SLC8B1: variants seen among roughly 807,000 people sequenced by gnomAD.
SLC8B1 encodes mitochondrial sodium/calcium exchanger protein.
SLC8B1 carries 52 observed loss-of-function variants against 63.4 expected under a neutral mutation model. That is an observed-to-expected ratio of 0.82 (90% confidence interval 0.66 to 1.03). SLC8B1 has a LOEUF of 1.03. Among genes scored for constraint, SLC8B1 ranks in the 50% least tolerant of loss-of-function variants. The pLI is 0.00. For synonymous variants in SLC8B1, 336 were observed against 323.9 expected, an observed-to-expected ratio of 1.04 and a Z score of -0.40; for missense variants, 657 against 741.7, an observed-to-expected ratio of 0.89 and a Z score of 1.33.
chr12:113,302,837 A>AC, intron 15 of SLC8B1: 1 of 402,820 alleles, frequency 2.5e-6, no homozygotes, highest in Non-Finnish European at 5.0e-6. Flanking sequence ...ACCTCTAGAC[A>AC]TGTACATCAA....
At chr12:113,312,397 G>C (rs1000820563) in intron 11 of SLC8B1, among the ~76,000 whole-genome samples, 1 of 152,192 alleles carries the variant, frequency 6.6e-6, no homozygotes, top group African/African-American at 2.4e-5. Context: ...TCACACCACT[G>C]AGCAATGACA....
intron 2 of SLC8B1, among the ~76,000 whole-genome samples, chr12:113,325,565 A>ATT (rs57635916): frequency 4.3e-4 from 60 of 140,136 alleles, no homozygotes; most frequent in African/African-American, 4.7e-4. Flanking sequence ...CCTGGCCTTA[A>ATT]TTTTTTTTTT....
chr12:113,309,135 G>A (rs1184562262), intron 12 of SLC8B1, among the ~76,000 whole-genome samples: 1 of 151,930 alleles, frequency 6.6e-6, no homozygotes, highest in African/African-American at 2.4e-5. Flanking sequence ...GATTACAGGC[G>A]TGAGCCACCA....
chr12:113,302,988 A>T (rs552541404), intron 15 of SLC8B1, among the ~76,000 whole-genome samples: 1 of 150,196 alleles, frequency 6.7e-6, no homozygotes, highest in South Asian at 2.1e-4. Context: ...TAAACTCAGC[A>T]CAAAGGTGGT....
intron 1 of SLC8B1, 42 bp from the exon 2 acceptor site, chr12:113,333,002 A>G: frequency 8.3e-7 from 1 of 1,199,556 alleles, no homozygotes; most frequent in Non-Finnish European, 1.1e-6. Context: ...ATTACTGAAA[A>G]CCCATGGACA....
chr12:113,318,351 T>C (rs1424116786), intron 8 of SLC8B1, among the ~76,000 whole-genome samples: 1 of 152,066 alleles, frequency 6.6e-6, no homozygotes, highest in Non-Finnish European at 1.5e-5. Flanking sequence ...TGTGTGTGCA[T>C]GTACTCCTAT....
At chr12:113,324,400 AC>A (rs1352406207) in intron 2 of SLC8B1, among the ~76,000 whole-genome samples, 2 of 139,804 alleles carry the variant, frequency 1.4e-5, no homozygotes, top group African/African-American at 5.3e-5. Flanking sequence ...ACTCAGCTCT[AC>A]CTTTTTTTTT....
At chr12:113,322,783 CA>C (rs1956948231) in intron 2 of SLC8B1, among the ~76,000 whole-genome samples, 1 of 151,784 alleles carries the variant, frequency 6.6e-6, no homozygotes, top group African/African-American at 2.4e-5. Context: ...TCCATCTCTA[CA>C]AAAAATACAA....
intron 11 of SLC8B1, among the ~76,000 whole-genome samples, chr12:113,312,114 G>T (rs540134153): frequency 6.6e-6 from 1 of 152,054 alleles, no homozygotes; most frequent in East Asian, 1.9e-4. Context: ...CACAGAAAAG[G>T]CTGTAGGAGG....
At position 113,320,786 on chromosome 12, in the gene SLC8B1, C is replaced by T. The variant is rs1235194931; in HGVS notation, c.420+64G>A. On this transcript the variant is annotated intron_variant, in intron 5 of 15. Coordinates refer to ENST00000680972, the MANE Select transcript of SLC8B1 (RefSeq NM_001358345.2). This position sits in a 1 kb window ranked among gnomAD's most constrained non-coding sequence, Gnocchi z 5.3. ...TCCCCACACGGGGATAGACATGACC[C>T]TATCTCCCAGCCTCCCCACAACTGC... 2.5e-6 allele frequency: 4 copies of T among 1,577,766 alleles called. No individual in the cohort carries two copies. The highest frequency in any genetic ancestry group is 3.4e-6 in the Non-Finnish European group (4 of 1,161,736).
chr12:113,300,106 G>A (rs796196790), intron 15 of SLC8B1, 132 bp from the exon 16 acceptor site: 2 of 674,144 alleles, frequency 3.0e-6, no homozygotes, highest in Non-Finnish European at 4.8e-6. Flanking sequence ...CAACAATGCA[G>A]CCTCAGCAAC....
At chr12:113,325,179 CT>C (rs11290544) in intron 2 of SLC8B1, among the ~76,000 whole-genome samples, 5,349 of 152,332 alleles carry the variant, frequency 0.035, 134 homozygotes, top group Non-Finnish European at 0.051. Flanking sequence ...GTTATTACCC[CT>C]ATCTCCACTA....
chr12:113,333,883 A>G (rs1166489968), intron 1 of SLC8B1, among the ~76,000 whole-genome samples: 1 of 152,088 alleles, frequency 6.6e-6, no homozygotes, highest in Non-Finnish European at 1.5e-5. Flanking sequence ...TAATTTTTGT[A>G]TTTTTAACGG....
chr12:113,327,587 A>T (rs1957010644), intron 2 of SLC8B1, among the ~76,000 whole-genome samples: 1 of 151,548 alleles, frequency 6.6e-6, no homozygotes, highest in Non-Finnish European at 1.5e-5. Context: ...CAGGAGGCTG[A>T]GGCAGAATAA....
intron 11 of SLC8B1, among the ~76,000 whole-genome samples, chr12:113,311,562 A>G (rs1402640977): frequency 6.6e-6 from 1 of 152,016 alleles, no homozygotes; most frequent in East Asian, 1.9e-4. Context: ...TGGCGGTTGC[A>G]GTGAACCTAA....
At chr12:113,331,898 C>T (rs1418728283) in intron 2 of SLC8B1, among the ~76,000 whole-genome samples, 3 of 152,128 alleles carry the variant, frequency 2.0e-5, no homozygotes, top group Admixed American at 1.3e-4. Context: ...ACCTCCTAGC[C>T]GCAGCCTGTA....
chr12:113,309,579 C>T (rs1042847146), intron 12 of SLC8B1, among the ~76,000 whole-genome samples: 12 of 152,054 alleles, frequency 7.9e-5, no homozygotes, highest in African/African-American at 2.9e-4. Context: ...CATAGTGAGA[C>T]CTCATCTTTA....
Position 113,320,561 on chromosome 12 carries a change from C to T in SLC8B1, c.526+20G>A, listed in dbSNP as rs376480508. 6.2e-7 allele frequency: 1 copy of T among 1,614,034 alleles called. No homozygotes were observed. The highest frequency in any genetic ancestry group is 1.7e-5 in the Admixed American group (1 of 60,026). On this transcript the variant is annotated intron_variant, in intron 6 of 15. Coordinates refer to ENST00000680972, the MANE Select transcript of SLC8B1 (RefSeq NM_001358345.2). This position sits in a 1 kb window ranked among gnomAD's most constrained non-coding sequence, Gnocchi z 5.3. Reference sequence around the variant, plus strand: ...CTCTCCTGCTGCTTTCCCCGCCCCCCTCACTGGGGCTGCTCTCACCAAACA... The same window carrying T: ...CTCTCCTGCTGCTTTCCCCGCCCCCTTCACTGGGGCTGCTCTCACCAAACA...
chr12:113,302,864 G>T (rs1362918555), intron 15 of SLC8B1, among the ~76,000 whole-genome samples: 2 of 152,272 alleles, frequency 1.3e-5, no homozygotes, highest in East Asian at 3.9e-4. Flanking sequence ...AAACAGAGAT[G>T]GGACCGTACA....
Sources: gnomAD v4.1 joint callset for allele counts (sites outside exome capture counted in the v4.1 genomes callset) on GRCh38, gnomAD v4.1.1 for gene constraint, Gnocchi (gnomAD v3.1) non-coding constraint, MANE v1.5 for transcripts, NCBI Gene and HGNC (gene_info 2026-07-23, HGNC 2026-07-21) for gene names.